UNC13C: variants seen among roughly 807,000 people sequenced by gnomAD.
UNC13C encodes protein unc-13 homolog C.
UNC13C carries 174 observed loss-of-function variants against 245.4 expected under a neutral mutation model. The observed-to-expected ratio is 0.71, with a 90% CI of 0.63 to 0.80. UNC13C has a LOEUF of 0.80. Among genes scored for constraint, UNC13C ranks in the 30% least tolerant of loss-of-function variants. UNC13C has a pLI of 0.00. For missense variants in UNC13C, 2,829 were observed against 2,602.9 expected, an observed-to-expected ratio of 1.09 and a Z score of -1.89; for synonymous variants, 992 against 895.1, an observed-to-expected ratio of 1.11 and a Z score of -1.93.
upstream of UNC13C, among the ~76,000 whole-genome samples, chr15:53,973,373 C>G (rs1264235120): frequency 6.6e-6 from 1 of 152,020 alleles, no homozygotes; most frequent in Non-Finnish European, 1.5e-5. Context: ...CATGGATTAT[C>G]TCATTTGATT....
chr15:54,096,069 G>A (rs1332718758), intron 2 of UNC13C, among the ~76,000 whole-genome samples: 1 of 152,194 alleles, frequency 6.6e-6, no homozygotes, highest in East Asian at 1.9e-4. Flanking sequence ...CAATACCAAG[G>A]AAGATATGTA....
chr15:54,376,613 G>A (rs1219565872), intron 17 of UNC13C, among the ~76,000 whole-genome samples: 1 of 152,176 alleles, frequency 6.6e-6, no homozygotes, highest in Non-Finnish European at 1.5e-5. Context: ...CTAAGAGAAA[G>A]ACTCGAAGGT....
chr15:54,433,552 C>G (rs1567267959), intron 19 of UNC13C, among the ~76,000 whole-genome samples: 1 of 152,002 alleles, frequency 6.6e-6, no homozygotes, highest in Non-Finnish European at 1.5e-5. Flanking sequence ...GCTAAAAACT[C>G]TCAATAAACT....
At chr15:54,475,667 A>C (rs938877299) in intron 19 of UNC13C, among the ~76,000 whole-genome samples, 1 of 148,760 alleles carries the variant, frequency 6.7e-6, no homozygotes, top group African/African-American at 2.5e-5. Context: ...ATAGTATTCC[A>C]TGGTGTATAT....
At chr15:54,335,676 G>A (rs191748280) in intron 16 of UNC13C, among the ~76,000 whole-genome samples, 3 of 152,240 alleles carry the variant, frequency 2.0e-5, no homozygotes, top group East Asian at 1.9e-4. Flanking sequence ...AGAATCATTG[G>A]TGTTGAATGT....
intron 4 of UNC13C, among the ~76,000 whole-genome samples, chr15:54,212,656 A>G (rs938377669): frequency 6.6e-6 from 1 of 152,056 alleles, no homozygotes; most frequent in African/African-American, 2.4e-5. Context: ...CTCAACCTCA[A>G]TTAGATCTAT....
rs565146350 is a variant in UNC13C at position 54,445,017 on chromosome 15, C to T, written c.4933+29950C>T. Reference sequence around the variant, plus strand: ...TGTGTGATGTTCCCCTTCCTGTGTCCAAGTGTTCACATTGTTCAATGCCCA... The same window carrying T: ...TGTGTGATGTTCCCCTTCCTGTGTCTAAGTGTTCACATTGTTCAATGCCCA... On this transcript the variant is annotated intron_variant, in intron 19 of 32. Coordinates refer to ENST00000260323, the MANE Select transcript of UNC13C (RefSeq NM_001080534.3). Among the ~76,000 whole-genome samples the T allele has an allele frequency of 1.4e-3, 193 of 139,952 alleles. 2 individuals are homozygous for T. The highest frequency in any genetic ancestry group is 4.7e-3 in the African/African-American group (178 of 37,994). 91.8% of individuals were successfully genotyped at this position (139,952 alleles called of 152,430 possible). A position where few individuals can be genotyped will look rare whatever the true frequency, so the allele number is the denominator to read the frequency against.
intron 8 of UNC13C, among the ~76,000 whole-genome samples, chr15:54,259,065 A>G (rs188676291): frequency 3.5e-4 from 54 of 152,360 alleles, no homozygotes; most frequent in African/African-American, 8.9e-4. Flanking sequence ...TTCACATAGT[A>G]GAAGGGGCAA....
chr15:54,567,700 C>T, intron 29 of UNC13C, 100 bp from the exon 30 acceptor site: 2 of 1,145,356 alleles, frequency 1.7e-6, no homozygotes, highest in Admixed American at 5.9e-5. Context: ...TTGCATTGAT[C>T]AAATTGTATT....
At chr15:54,428,755 A>C (rs959740039) in intron 19 of UNC13C, among the ~76,000 whole-genome samples, 3 of 151,496 alleles carry the variant, frequency 2.0e-5, no homozygotes, top group Admixed American at 6.6e-5. Context: ...GATATGAGTA[A>C]GTACAGCTGC....
At chr15:53,989,252 T>C (rs1410532273) in intron 1 of UNC13C, among the ~76,000 whole-genome samples, 3 of 151,708 alleles carry the variant, frequency 2.0e-5, no homozygotes, top group Non-Finnish European at 4.4e-5. Context: ...CATTTATCGA[T>C]GAAGGCAAGG....
chr15:54,108,804 T>A (rs1199368145), intron 2 of UNC13C, among the ~76,000 whole-genome samples: 1 of 152,206 alleles, frequency 6.6e-6, no homozygotes, highest in African/African-American at 2.4e-5. Flanking sequence ...TTTCTCTCTC[T>A]TGGTTGATTT....
chr15:54,367,160 C>G (rs1022045293), intron 17 of UNC13C, among the ~76,000 whole-genome samples: 2 of 152,018 alleles, frequency 1.3e-5, no homozygotes, highest in African/African-American at 4.8e-5. Context: ...ACAGAAAGTA[C>G]CAATAAAACA....
chr15:54,197,925 A>G (rs915771336), intron 4 of UNC13C, among the ~76,000 whole-genome samples: 6 of 152,112 alleles, frequency 3.9e-5, no homozygotes, highest in Admixed American at 1.3e-4. Flanking sequence ...GTCTGAGGCA[A>G]GTCCTCAGCC....
the UNC13C span, among the ~76,000 whole-genome samples, chr15:53,933,372 T>C: frequency 6.6e-6 from 1 of 152,134 alleles, no homozygotes; most frequent in Non-Finnish European, 1.5e-5. Context: ...CATATATATA[T>C]CTTAAAAACT....
the UNC13C span, among the ~76,000 whole-genome samples, chr15:53,905,995 G>A: frequency 6.6e-6 from 1 of 152,114 alleles, no homozygotes; most frequent in Non-Finnish European, 1.5e-5. Context: ...CTCTTGCCAG[G>A]ATGAGGTGTT....
chr15:53,924,215 AAAAC>A, the UNC13C span, among the ~76,000 whole-genome samples: 80 of 150,604 alleles, frequency 5.3e-4, no homozygotes, highest in Admixed American at 2.0e-3. Flanking sequence ...TCAAAAAAAC[AAAAC>A]AAACAAACAA....
chr15:54,504,246 G>A (rs1222760895), intron 22 of UNC13C, among the ~76,000 whole-genome samples: 1 of 152,156 alleles, frequency 6.6e-6, no homozygotes, highest in Non-Finnish European at 1.5e-5. Context: ...GCCAGGTGCT[G>A]CAGATACTGT....
chr15:54,224,100 C>T (rs1315022510), intron 4 of UNC13C, among the ~76,000 whole-genome samples: 2 of 152,044 alleles, frequency 1.3e-5, no homozygotes, highest in Non-Finnish European at 2.9e-5. Flanking sequence ...AATTTGACTT[C>T]TTCCTTTCCA....
Sources: gnomAD v4.1 joint callset for allele counts (sites outside exome capture counted in the v4.1 genomes callset) on GRCh38, gnomAD v4.1.1 for gene constraint, MANE v1.5 for transcripts, NCBI Gene and HGNC (gene_info 2026-07-23, HGNC 2026-07-21) for gene names.